RIPOR2: variants seen among roughly 807,000 people sequenced by gnomAD.
The protein encoded by RIPOR2 is rho family-interacting cell polarization regulator 2.
Under a neutral mutation model 114.5 loss-of-function variants are expected in RIPOR2, and 39 were observed. That is an observed-to-expected ratio of 0.34 (90% CI 0.26 to 0.44). RIPOR2 has a LOEUF of 0.44. Among genes scored for constraint, RIPOR2 ranks in the 20% least tolerant of loss-of-function variants. The probability of loss-of-function intolerance (pLI) is 1.00; values close to 1 mark genes in which losing one functional copy is unlikely to be tolerated. For missense variants in RIPOR2, 1,007 were observed against 1,255.1 expected (o/e 0.80, Z 2.99); for synonymous variants, 445 against 484.4 (o/e 0.92, Z 1.07).
At chr6:24,915,024 G>A (rs1468374180) in intron 1 of RIPOR2, among the ~76,000 whole-genome samples, 2 of 152,164 alleles carry the variant, frequency 1.3e-5, no homozygotes, top group Non-Finnish European at 2.9e-5. Flanking sequence ...TGTGTCTATT[G>A]TTCTGGTGAA....
In RIPOR2 at chr6:25,003,384, CATTATTATTATT is replaced by C. The variant is rs57985459; in HGVS notation, c.76+38455_76+38466del. 7.5e-3 allele frequency among the ~76,000 whole-genome samples: 1,084 copies of C among 143,862 alleles called. 11 individuals carry two copies. The highest frequency in any genetic ancestry group is 0.019 in the East Asian group (92 of 4,972). The allele number at this position is 143,862 out of a possible 152,430, so 94.4% of individuals were successfully genotyped here. On this transcript the variant is annotated intron_variant, in intron 1 of 13. Transcript: ENST00000510784. ...AATTATCAGTTTTTCAGAATTAACACATTATTATTATTATTATTATTATTATTATTATTATTA... is the reference window on the plus strand; with the variant it reads ...AATTATCAGTTTTTCAGAATTAACACATTATTATTATTATTATTATTATTA...
rs1261990849 is a variant in RIPOR2, at chr6:24,998,564, C to T, written c.76+43287G>A. Among the ~76,000 whole-genome samples the T allele has an allele frequency of 2.6e-5, 4 of 152,164 alleles. No homozygotes were observed. In the South Asian group the frequency reaches 6.2e-4, roughly 24 times the overall value. On this transcript the variant is annotated intron_variant, in intron 1 of 13. Coordinates refer to the RIPOR2 transcript ENST00000510784. ...CCCAGAAAATCTGATTCCTTTGTTT[C>T]CATGTTCAAAGCCTTTCAACGTCTC...
chr6:24,809,988 A>G (rs1236482546), intron 20 of RIPOR2, among the ~76,000 whole-genome samples, 181 bp from the exon 21 acceptor site: 1 of 152,152 alleles, frequency 6.6e-6, no homozygotes, highest in Non-Finnish European at 1.5e-5. Flanking sequence ...CTCCTGCCTC[A>G]GCCTCCTGAG....
intron 1 of RIPOR2, chr6:25,015,164 G>T (rs1775913052): frequency 6.6e-6 from 1 of 152,168 alleles, no homozygotes; most frequent in Admixed American, 6.5e-5. Flanking sequence ...CAGAGCTTTA[G>T]AGCTTCATCA....
rs139401690 is a variant in RIPOR2 at position 24,917,590 on chromosome 6, C to T, written c.61+18248G>A. Among the ~76,000 whole-genome samples, 1,383 of 152,122 alleles carry T rather than the reference C, an allele frequency of 9.1e-3. 22 individuals are homozygous for T. The highest frequency in any genetic ancestry group is 0.029 in the African/African-American group (1,209 of 41,480). On this transcript the variant is annotated intron_variant, in intron 1 of 21. Transcript: ENST00000643898. ...TGTCACCCAGGCTGGAGTGCAATGG[C>T]GCGATCTTGCCTCACTGCAACCTCC...
At chr6:24,969,376 G>C (rs959066496) in intron 1 of RIPOR2, among the ~76,000 whole-genome samples, 20 of 152,236 alleles carry the variant, frequency 1.3e-4, no homozygotes, top group Non-Finnish European at 2.9e-4. Context: ...CATTTAACAA[G>C]ATCCTGGGGT....
At chr6:24,909,999 C>G (rs944029578) in intron 1 of RIPOR2, among the ~76,000 whole-genome samples, 1 of 152,086 alleles carries the variant, frequency 6.6e-6, no homozygotes, top group Non-Finnish European at 1.5e-5. Flanking sequence ...TATCTAATTT[C>G]AAAATGCACC....
At chr6:24,821,086 T>A (rs1759654792) in intron 19 of RIPOR2, among the ~76,000 whole-genome samples, 1 of 152,060 alleles carries the variant, frequency 6.6e-6, no homozygotes, top group South Asian at 2.1e-4. Context: ...TTGGCCAGGC[T>A]GGTCTTGAAC....
At chr6:24,864,569 A>G (rs1764395333) in intron 7 of RIPOR2, among the ~76,000 whole-genome samples, 1 of 152,124 alleles carries the variant, frequency 6.6e-6, no homozygotes. Flanking sequence ...ATGAAATCTG[A>G]TCTCTGAACA....
intron 1 of RIPOR2, among the ~76,000 whole-genome samples, chr6:24,882,562 G>T (rs982513619): frequency 1.3e-5 from 2 of 152,216 alleles, no homozygotes; most frequent in African/African-American, 4.8e-5. Flanking sequence ...AAGCACAAAA[G>T]CCCTCTCCTG....
At chr6:24,870,783 G>C (rs947526660) in intron 5 of RIPOR2, 83 bp downstream of exon 5, 13 of 1,000,964 alleles carry the variant, frequency 1.3e-5, no homozygotes, top group Non-Finnish European at 2.0e-5. Flanking sequence ...CAAAGTGCTG[G>C]GATGACAGGC....
At chr6:24,854,830 C>T (rs1581608253) in intron 8 of RIPOR2, among the ~76,000 whole-genome samples, 1 of 152,036 alleles carries the variant, frequency 6.6e-6, no homozygotes, top group Non-Finnish European at 1.5e-5. Flanking sequence ...GAGTTCCAGG[C>T]CATCCTGGCC....
At chr6:25,023,792 T>G in intron 1 of RIPOR2, 2 of 779,654 alleles carry the variant, frequency 2.6e-6, no homozygotes, top group Non-Finnish European at 4.6e-6. Context: ...GTTGGTCACC[T>G]TCACGGGGAC....
At chr6:24,865,654 C>T (rs187542074) in intron 6 of RIPOR2, among the ~76,000 whole-genome samples, 2 of 152,266 alleles carry the variant, frequency 1.3e-5, no homozygotes, top group Admixed American at 6.5e-5. Flanking sequence ...TTGCTCTAAT[C>T]CTGTTTTCAA....
intron 1 of RIPOR2, among the ~76,000 whole-genome samples, chr6:24,966,225 G>GGACATA (rs1456425833): frequency 1.3e-5 from 2 of 152,222 alleles, no homozygotes; most frequent in East Asian, 3.9e-4. Context: ...AACCCCAGAA[G>GGACATA]CATCAACCAG....
intron 1 of RIPOR2, among the ~76,000 whole-genome samples, chr6:24,887,634 T>C (rs1425934410): frequency 6.6e-6 from 1 of 152,230 alleles, no homozygotes; most frequent in Admixed American, 6.5e-5. Flanking sequence ...CCCTCTCTTT[T>C]ATTCCTCTTC....
At position 24,850,093 on chromosome 6, in the gene RIPOR2, T is replaced by C. The variant is rs918530678; in HGVS notation, c.886-143A>G. The C allele has an allele frequency of 5.5e-5, 35 of 635,506 alleles. No individual in the cohort carries two copies. In the South Asian group the frequency reaches 7.9e-4, roughly 14 times the overall value. 39.4% of individuals were successfully genotyped at this position (635,506 alleles called of 1,614,324 possible). A position where few individuals can be genotyped will look rare whatever the true frequency, so the allele number is the denominator to read the frequency against. The stretch of plus-strand genomic sequence containing the variant: ...ATCAGAAGCGGATTTTCATTTTTCT[T>C]TTTCTTTTTTTTTTTTTTTTGGAGA... On this transcript the variant is annotated intron_variant, in intron 10 of 21. Transcript: ENST00000643898.
In RIPOR2 at chr6:24,976,780, C is replaced by T. The variant is rs548602085; in HGVS notation, c.76+65071G>A. On this transcript the variant is annotated intron_variant, in intron 1 of 13. Coordinates refer to the RIPOR2 transcript ENST00000510784. Reference sequence around the variant, plus strand: ...AGCATACAGGTCCTGAAATCTTGTCCATGGCAAATGCTGGACCCAACACAA... The same window carrying T: ...AGCATACAGGTCCTGAAATCTTGTCTATGGCAAATGCTGGACCCAACACAA... 49 of 1,611,660 alleles carry T rather than the reference C, an allele frequency of 3.0e-5. No homozygotes were observed. The East Asian group carries it at 8.9e-4, about 29-fold the overall frequency.
intron 15 of RIPOR2, among the ~76,000 whole-genome samples, chr6:24,834,333 C>A (rs1037714721): frequency 1.3e-5 from 2 of 152,174 alleles, no homozygotes; most frequent in Non-Finnish European, 2.9e-5. Flanking sequence ...ACCAAGGAGG[C>A]AACACTGCCC....
Sources: gnomAD v4.1 joint callset for allele counts (sites outside exome capture counted in the v4.1 genomes callset) on GRCh38, gnomAD v4.1.1 for gene constraint, MANE v1.5 for transcripts, NCBI Gene and HGNC (gene_info 2026-07-23, HGNC 2026-07-21) for gene names.